The following ASIP variants were observed in gnomAD, a reference collection of about 807,000 sequenced individuals.
ASIP encodes agouti signaling protein, also known as agouti-signaling protein.
In ASIP, 11 loss-of-function variants were observed where a neutral mutation model predicts 10.3. That is an observed-to-expected ratio of 1.07 (90% CI 0.68 to 1.78). The LOEUF (loss-of-function observed/expected upper bound fraction) is 1.78, where lower values mean the gene tolerates loss of function less well. ASIP is among the 40% of genes most tolerant of loss of function. The probability of loss-of-function intolerance (pLI) is 0.00; values close to 1 mark genes in which losing one functional copy is unlikely to be tolerated. For missense variants in ASIP, 180 were observed against 169.2 expected (o/e 1.06, Z -0.35); for synonymous variants, 70 against 70.8 (o/e 0.99, Z 0.06).
intron 1 of ASIP, among the ~76,000 whole-genome samples, chr20:34,254,157 G>A (rs1193471609): frequency 1.3e-5 from 2 of 152,094 alleles, no homozygotes; most frequent in Non-Finnish European, 2.9e-5. Flanking sequence ...CTGCCTCCTG[G>A]ATTCAAGTGA....
At chr20:34,226,624 G>A (rs1036543644) in intron 1 of ASIP, among the ~76,000 whole-genome samples, 1 of 152,200 alleles carries the variant, frequency 6.6e-6, no homozygotes, top group Non-Finnish European at 1.5e-5. Context: ...AAAGTGCTAG[G>A]ATTATAGGAA....
At chr20:34,223,594 TG>T (rs1240891120) in intron 1 of ASIP, among the ~76,000 whole-genome samples, 14 of 121,956 alleles carry the variant, frequency 1.1e-4, no homozygotes, top group African/African-American at 8.9e-5. Flanking sequence ...GGGAGGGAGG[TG>T]GGGGGGTCAG....
At chr20:34,212,700 T>G (rs914573462) in intron 1 of ASIP, among the ~76,000 whole-genome samples, 1 of 152,204 alleles carries the variant, frequency 6.6e-6, no homozygotes, top group Admixed American at 6.5e-5. Context: ...GGAAAAAAAA[T>G]TCTTCTTTTG....
chr20:34,235,865 GAAA>G (rs2035186929), intron 1 of ASIP, among the ~76,000 whole-genome samples: 1 of 41,568 alleles, frequency 2.4e-5, no homozygotes, highest in African/African-American at 1.2e-4. Context: ...AGGAAGGAAG[GAAA>G]GGAAGGAAGG....
At chr20:34,218,674 T>A (rs2035025447) in intron 1 of ASIP, among the ~76,000 whole-genome samples, 1 of 151,464 alleles carries the variant, frequency 6.6e-6, no homozygotes, top group Non-Finnish European at 1.5e-5. Flanking sequence ...GGAGCATGTG[T>A]CCTTTTCAGC....
chr20:34,234,509 C>T (rs1425267439), intron 1 of ASIP, among the ~76,000 whole-genome samples: 1 of 151,292 alleles, frequency 6.6e-6, no homozygotes, highest in African/African-American at 2.4e-5. Flanking sequence ...TTTCTCCTTC[C>T]TTCCTTCCTT....
chr20:34,207,773 T>C (rs1448212391), intron 1 of ASIP, among the ~76,000 whole-genome samples: 2 of 120,158 alleles, frequency 1.7e-5, no homozygotes, highest in Non-Finnish European at 3.0e-5. Context: ...GCACCATTTA[T>C]TTATTTATTT....
intron 1 of ASIP, among the ~76,000 whole-genome samples, chr20:34,233,355 G>A (rs1170013484): frequency 6.6e-6 from 1 of 151,966 alleles, no homozygotes; most frequent in Non-Finnish European, 1.5e-5. Flanking sequence ...CACTATGTTA[G>A]CCAGGATGGT....
chr20:34,223,297 A>C (rs1237632692), intron 1 of ASIP, among the ~76,000 whole-genome samples: 2 of 148,856 alleles, frequency 1.3e-5, no homozygotes, highest in African/African-American at 5.0e-5. Context: ...CTGGGATGTG[A>C]GGAGCGCCTC....
In ASIP at chr20:34,262,570, G is replaced by A. The variant is rs150864747; in HGVS notation, c.161-262G>A. On this transcript the variant is annotated intron_variant, in intron 2 of 3. Transcript: ENST00000374954. ...TCGAGGGACCAGGCCCCACAAGAGT[G>A]TCACAGGCAGATCCCAGTGCCTGCT... is the stretch of plus-strand genomic sequence containing the variant. 1.1e-3 allele frequency among the ~76,000 whole-genome samples: 164 copies of A among 152,340 alleles called. 1 individual carries two copies. Among genetic ancestry groups the A allele is most frequent in the African/African-American group, 3.9e-3 (162 of 41,570 alleles).
chr20:34,258,652 T>G (rs2035614835), intron 1 of ASIP, among the ~76,000 whole-genome samples: 1 of 105,942 alleles, frequency 9.4e-6, no homozygotes, highest in East Asian at 2.7e-4. Context: ...ATTGAGGAGT[T>G]AATATCTTAG....
intron 3 of ASIP, among the ~76,000 whole-genome samples, chr20:34,266,181 G>A (rs1238572931): frequency 3.3e-5 from 5 of 151,280 alleles, no homozygotes; most frequent in African/African-American, 4.9e-5. Context: ...GAGAAACCCC[G>A]TCTCTACTAA....
chr20:34,246,648 G>T, intron 1 of ASIP: 1 of 544,544 alleles, frequency 1.8e-6, no homozygotes, highest in Non-Finnish European at 3.4e-6. Context: ...GGTAGAGATG[G>T]GGTTTCGCCA....
intron 3 of ASIP, among the ~76,000 whole-genome samples, chr20:34,264,448 T>C (rs2035750660): frequency 6.6e-6 from 1 of 152,218 alleles, no homozygotes; most frequent in Admixed American, 6.5e-5. Context: ...TATTTTTCAA[T>C]GTGTTTAATG....
rs1304471082 is a variant in ASIP, at chr20:34,221,161, G to A, written c.-11+26401G>A. Among the ~76,000 whole-genome samples the A allele has an allele frequency of 4.6e-5, 7 of 151,772 alleles. 1 individual carries two copies. Among genetic ancestry groups the A allele is most frequent in the Admixed American group, 1.3e-4 (2 of 15,260 alleles). ...TGGGAGGCTGAGGCGGGTGGATCACGAGGTCAGGAGATCGAGACCATCCTG... is the reference window on the plus strand; with the variant it reads ...TGGGAGGCTGAGGCGGGTGGATCACAAGGTCAGGAGATCGAGACCATCCTG... On this transcript the variant is annotated intron_variant, in intron 1 of 3. Coordinates refer to the ASIP transcript ENST00000568305.
rs1364533492 is a variant in ASIP at position 34,235,862 on chromosome 20, AAGGAAAGGAAGG to A, written c.-10-24501_-10-24490del. 8.9e-3 allele frequency among the ~76,000 whole-genome samples: 490 copies of A among 54,860 alleles called. 23 individuals carry two copies. Among genetic ancestry groups the A allele is most frequent in the Middle Eastern group, 0.031 (3 of 96 alleles). The allele number at this position is 54,860 out of a possible 152,430, so 36.0% of individuals were successfully genotyped here. On this transcript the variant is annotated intron_variant, in intron 1 of 3. Transcript: ENST00000568305. ...GAAAGAAGGAAGGAAGGAAGGAAGG[AAGGAAAGGAAGG>A]AAGGAAGGAAGGAAGGAAGGAAGGA...
upstream of ASIP, among the ~76,000 whole-genome samples, chr20:34,191,750 A>G (rs1158286178): frequency 1.5e-5 from 1 of 68,010 alleles, no homozygotes; most frequent in Non-Finnish European, 2.4e-5. Flanking sequence ...TTTTTTTTTG[A>G]CAGAGTTTCA....
At chr20:34,264,644 T>G (rs1355723264) in intron 3 of ASIP, among the ~76,000 whole-genome samples, 1 of 152,116 alleles carries the variant, frequency 6.6e-6, no homozygotes, top group African/African-American at 2.4e-5. Context: ...AGACAATACA[T>G]CTTGTAAACA....
At chr20:34,187,586 C>T in the ASIP span, among the ~76,000 whole-genome samples, 1 of 152,178 alleles carries the variant, frequency 6.6e-6, no homozygotes, top group Non-Finnish European at 1.5e-5. Context: ...CTTTGAGAGA[C>T]TCAGATATTT....
Sources: gnomAD v4.1 joint callset for allele counts (sites outside exome capture counted in the v4.1 genomes callset) on GRCh38, gnomAD v4.1.1 for gene constraint, MANE v1.5 for transcripts, NCBI Gene and HGNC (gene_info 2026-07-23, HGNC 2026-07-21) for gene names.